HEATR6: variants seen among roughly 807,000 people sequenced by gnomAD.
HEATR6 encodes the protein HEAT repeat containing 6, also known as HEAT repeat-containing protein 6.
In HEATR6, 106 loss-of-function variants were observed where a neutral mutation model predicts 132.8. The observed-to-expected ratio is 0.80, with a 90% confidence interval of 0.68 to 0.94. HEATR6 has a LOEUF of 0.94. Among genes scored for constraint, HEATR6 ranks in the 40% least tolerant of loss-of-function variants. The pLI, the probability that HEATR6 is intolerant of heterozygous loss-of-function variation, is 0.00. For missense variants in HEATR6, 1,339 were observed against 1,425.1 expected (o/e 0.94, Z 0.97); for synonymous variants, 529 against 537.8 (o/e 0.98, Z 0.23).
At position 60,048,983 on chromosome 17, in the gene HEATR6, A is replaced by AATATATATATATATAT. The variant is rs35114523; in HGVS notation, c.2547+581_2547+596dup. ...TTAAAAATAAATAACATATATATAT[A>AATATATATATATATAT]ATATATATATATATATATATATATA... On this transcript the variant is annotated intron_variant, in intron 16 of 19. Transcript: ENST00000184956. Among the ~76,000 whole-genome samples, 132 of 69,490 alleles carry AATATATATATATATAT rather than the reference A, an allele frequency of 1.9e-3. 1 individual carries two copies. Among genetic ancestry groups the AATATATATATATATAT allele is most frequent in the South Asian group, 3.4e-3 (7 of 2,078 alleles). 45.6% of individuals were successfully genotyped at this position (69,490 alleles called of 152,430 possible).
In HEATR6 at chr17:60,042,727, C is replaced by T. The variant is rs1906215607; in HGVS notation, c.*836G>A. Among the ~76,000 whole-genome samples the T allele has an allele frequency of 3.4e-5, 2 of 58,214 alleles. No homozygotes were observed. The highest frequency in any genetic ancestry group is 3.8e-4 in the Admixed American group (2 of 5,264). 38.2% of individuals were successfully genotyped at this position (58,214 alleles called of 152,430 possible). ...CTGTGAGGCACCGTCAGCATCCTCG[C>T]GTCCTGTGCGGCTGTGAGGCACCGT... On this transcript the variant is annotated 3_prime_UTR_variant, in exon 20 of 20. Coordinates refer to ENST00000184956, the MANE Select transcript of HEATR6 (RefSeq NM_022070.5).
Position 60,078,798 on chromosome 17 carries a change from G to GGCGCAGA in HEATR6, c.110_116dup (p.Asp43AlafsTer4), listed in dbSNP as rs764580589. The GGCGCAGA allele has an allele frequency of 4.1e-4, 659 of 1,596,578 alleles. No homozygotes were observed. The highest frequency in any genetic ancestry group is 5.3e-4 in the Non-Finnish European group (625 of 1,172,408). ...CGGAGCTGCTGTCATCCGGGCGCAG[G>GGCGCAGA]GCGCAGAGCCTGGCAGACAAGAGGC... On this transcript the variant is annotated frameshift_variant, in exon 1 of 20. Transcript: ENST00000184956. LOFTEE classifies it high-confidence loss of function.
chr17:60,056,322 C>T lies in HEATR6; in HGVS notation c.2080-85G>A, dbSNP rs111342263. On this transcript the variant is annotated intron_variant, in intron 12 of 19. Transcript: ENST00000184956. Reference sequence around the variant, plus strand: ...AAAAGTGTTACAATATTTCAGAAATCGCTTACATTTAACAGGGGCTGAAAT... The same window carrying T: ...AAAAGTGTTACAATATTTCAGAAATTGCTTACATTTAACAGGGGCTGAAAT... 8.7e-4 allele frequency: 1,157 copies of T among 1,335,300 alleles called. 8 individuals are homozygous for T. The African/African-American group carries it at 0.014, about 16-fold the overall frequency. 82.7% of individuals were successfully genotyped at this position (1,335,300 alleles called of 1,614,324 possible). A position where few individuals can be genotyped will look rare whatever the true frequency, so the allele number is the denominator to read the frequency against.
chr17:60,073,615 G>A, intron 3 of HEATR6, 131 bp downstream of exon 3: 1 of 838,196 alleles, frequency 1.2e-6, no homozygotes, highest in Non-Finnish European at 1.9e-6. Context: ...TTATACATGA[G>A]GAAACAAGGC....
In HEATR6 at chr17:60,043,743, G is replaced by A; in HGVS notation, c.3366C>T (p.Pro1122=). ...TCTGGTCTCTTTCCTGTGGGCTGTG[G>A]GGTGCTCCAGTGTCATCTCCCTCTG... ...SGAEGDDTGA[P]HSPQERDQMV... is the part of the protein sequence containing the mutation. The change falls in exon 20 of 20, where the codon CCC becomes CCT. Residue 1122 remains proline (P), a synonymous_variant. Transcript: ENST00000184956. 1 of 1,614,180 alleles carries A rather than the reference G, an allele frequency of 6.2e-7. No individual in the cohort carries two copies. Among genetic ancestry groups the A allele is most frequent in the Non-Finnish European group, 8.5e-7 (1 of 1,180,036 alleles).
intron 1 of HEATR6, among the ~76,000 whole-genome samples, chr17:60,077,788 G>C (rs561752503): frequency 6.6e-6 from 1 of 152,204 alleles, no homozygotes; most frequent in Non-Finnish European, 1.5e-5. Context: ...AGTCAGAGGG[G>C]ATCAGCGAAC....
In HEATR6 at chr17:60,057,387, C is replaced by A; in HGVS notation, c.1740G>T (p.Val580=). The change falls in exon 12 of 20, where the codon GTG becomes GTT. Residue 580 remains valine (V), a synonymous_variant. Transcript: ENST00000184956. ...TAGCTCCCAAGAGTGTGAGACTTGA[C>A]ACACGAACATTAACATCTGTCAAAG... ...YIRHKDVNVR[V]SSLTLLGAIV... 1 of 1,595,656 alleles carries A rather than the reference C, an allele frequency of 6.3e-7. No homozygotes were observed. Among genetic ancestry groups the A allele is most frequent in the Non-Finnish European group, 8.6e-7 (1 of 1,168,638 alleles).
intron 13 of HEATR6, 36 bp downstream of exon 13, chr17:60,056,079 A>T (rs1368280126): frequency 6.2e-7 from 1 of 1,607,950 alleles, no homozygotes; most frequent in Admixed American, 1.7e-5. Flanking sequence ...TAAAGTGAAG[A>T]GAAGGAAAAA....
In HEATR6 at chr17:60,046,178, G is replaced by C; in HGVS notation, c.2821C>G (p.Pro941Ala). Residue 941 changes from proline to alanine, a missense_variant, in exon 19 of 20, where the codon CCC (proline) becomes GCC (alanine). Pro to Ala is a conservative substitution (Grantham distance 27). Transcript: ENST00000184956. ...AATGTGGGTTTTTCTATATGAGAGG[G>C]TTGCAGAAAATGAAGCAAATTTCCA... ...ALGNLLHFLQ[P>A]SHIEKPTFAE... The C allele has an allele frequency of 6.2e-7, 1 of 1,613,878 alleles. No individual in the cohort carries two copies. Among genetic ancestry groups the C allele is most frequent in the South Asian group, 1.1e-5 (1 of 91,072 alleles).
At chr17:60,049,939 C>A (rs1026521789) in intron 15 of HEATR6, among the ~76,000 whole-genome samples, 3 of 152,142 alleles carry the variant, frequency 2.0e-5, no homozygotes, top group African/African-American at 7.2e-5. Flanking sequence ...ATTAAAGTTG[C>A]CTTCTTTATA....
At chr17:60,073,579 C>T (rs1438553236) in intron 3 of HEATR6, among the ~76,000 whole-genome samples, 167 bp downstream of exon 3, 1 of 152,120 alleles carries the variant, frequency 6.6e-6, no homozygotes, top group Non-Finnish European at 1.5e-5. Context: ...CACGTATTGT[C>T]TCACTTCATC....
chr17:60,050,261 A>T (rs1906534868), intron 15 of HEATR6, among the ~76,000 whole-genome samples: 1 of 152,164 alleles, frequency 6.6e-6, no homozygotes, highest in Non-Finnish European at 1.5e-5. Context: ...CCAGAGAGCG[A>T]ACCCTCCCAA....
intron 19 of HEATR6, among the ~76,000 whole-genome samples, chr17:60,045,766 ATTTG>A (rs555941280): frequency 1.8e-4 from 27 of 152,294 alleles, no homozygotes; most frequent in African/African-American, 6.5e-4. Context: ...ACCTGCTTTC[ATTTG>A]TTTAACATCA....
At chr17:60,046,261 T>C (rs1398498384) in intron 18 of HEATR6, 32 bp from the exon 19 acceptor site, 5 of 1,542,640 alleles carry the variant, frequency 3.2e-6, no homozygotes, top group Non-Finnish European at 3.5e-6. Flanking sequence ...TAGAAATCTG[T>C]TTGGCCAAAG....
chr17:60,076,999 C>G (rs948590841), intron 1 of HEATR6, among the ~76,000 whole-genome samples: 1 of 150,740 alleles, frequency 6.6e-6, no homozygotes, highest in Non-Finnish European at 1.5e-5. Flanking sequence ...CTTCATCCAT[C>G]GATGTTTATA....
chr17:60,042,268 T>G lies in HEATR6; in HGVS notation c.*1295A>C. 6.6e-6 allele frequency among the ~76,000 whole-genome samples: 1 copy of G among 152,076 alleles called. No individual in the cohort carries two copies. Among genetic ancestry groups the G allele is most frequent in the African/African-American group, 2.4e-5 (1 of 41,390 alleles). On this transcript the variant is annotated 3_prime_UTR_variant, in exon 20 of 20. Coordinates refer to ENST00000184956, the MANE Select transcript of HEATR6 (RefSeq NM_022070.5). ...CTCTGGTTATTGGATTGTGGGGAGG[T>G]GTGGCAGGGAAGGTGGTCAGGGGAA...
intron 1 of HEATR6, among the ~76,000 whole-genome samples, chr17:60,077,293 C>T (rs187842045): frequency 2.0e-5 from 3 of 152,142 alleles, no homozygotes; most frequent in South Asian, 2.1e-4. Flanking sequence ...CATCAAAAAA[C>T]ACTGCAAGCA....
At chr17:60,064,181 T>C (rs910616422) in intron 9 of HEATR6, among the ~76,000 whole-genome samples, 1 of 152,068 alleles carries the variant, frequency 6.6e-6, no homozygotes, top group Non-Finnish European at 1.5e-5. Flanking sequence ...TGGTGGTGCA[T>C]GCCTGTAGTC....
rs1568620491 is a variant in HEATR6, at chr17:60,057,203, T to C, written c.1924A>G (p.Ser642Gly). 2 of 1,614,216 alleles carry C rather than the reference T, an allele frequency of 1.2e-6. No individual in the cohort carries two copies. The highest frequency in any genetic ancestry group is 1.7e-6 in the Non-Finnish European group (2 of 1,180,028). ...GGCTCTGAAGACCCCTTAGGTGAGC[T>C]AACTGACGTTTCTTCCAGAGAGGGT... ...AGPSLEETSV[S>G]SPKGSSEPCW... is the part of the protein sequence containing the mutation. The change falls in exon 12 of 20, where the codon AGC becomes GGC. Residue 642 changes from serine to glycine, a missense_variant. By Grantham distance (56) the Ser-to-Gly change is moderately conservative. Transcript: ENST00000184956.
Sources: allele counts gnomAD v4.1 joint callset (sites outside exome capture counted in the v4.1 genomes callset), GRCh38; gene constraint gnomAD v4.1.1; transcripts MANE v1.5; gene names NCBI Gene and HGNC (gene_info 2026-07-23, HGNC 2026-07-21).